PXDNL: variants seen among roughly 807,000 people sequenced by gnomAD.
PXDNL encodes the protein peroxidasin like.
A neutral mutation model predicts 150.8 loss-of-function variants in PXDNL; 145 were observed. That is an observed-to-expected ratio of 0.96 (90% CI 0.84 to 1.10). The LOEUF is 1.10. Among genes scored for constraint, PXDNL ranks in the 50% least tolerant of loss-of-function variants. The pLI is 0.00. For synonymous variants in PXDNL, 757 were observed against 725.7 expected (o/e 1.04, Z -0.69); for missense variants, 2,087 against 1,873.9 (o/e 1.11, Z -2.10).
intron 2 of PXDNL, among the ~76,000 whole-genome samples, chr8:51,635,691 T>C (rs1215869716): frequency 6.6e-6 from 1 of 152,000 alleles, no homozygotes; most frequent in East Asian, 1.9e-4. Flanking sequence ...GAAGTACTTT[T>C]TAAGAGATTG....
At chr8:51,633,860 T>A (rs1030801309) in intron 2 of PXDNL, among the ~76,000 whole-genome samples, 1 of 152,196 alleles carries the variant, frequency 6.6e-6, no homozygotes, top group Non-Finnish European at 1.5e-5. Flanking sequence ...ATTGTTTAAG[T>A]TCCTTATACA....
chr8:51,410,361 G>A (rs1360824494), intron 16 of PXDNL, among the ~76,000 whole-genome samples: 1 of 152,140 alleles, frequency 6.6e-6, no homozygotes, highest in Non-Finnish European at 1.5e-5. Context: ...GCAATAATGG[G>A]ACCATTTGCA....
At chr8:51,495,370 A>G (rs2130258057) in intron 5 of PXDNL, among the ~76,000 whole-genome samples, 1 of 152,256 alleles carries the variant, frequency 6.6e-6, no homozygotes, top group East Asian at 1.9e-4. Context: ...AATTAAAAGA[A>G]CTAGAAAAGC....
chr8:51,634,749 G>C (rs552411933), intron 2 of PXDNL, among the ~76,000 whole-genome samples: 1 of 146,218 alleles, frequency 6.8e-6, no homozygotes, highest in South Asian at 2.2e-4. Flanking sequence ...ATTGAAAATG[G>C]GATTGCACTC....
intron 3 of PXDNL, among the ~76,000 whole-genome samples, chr8:51,576,934 T>C (rs1223372332): frequency 6.6e-6 from 1 of 151,816 alleles, no homozygotes; most frequent in Non-Finnish European, 1.5e-5. Flanking sequence ...GCACAAACTA[T>C]CAGTTCACTC....
intron 3 of PXDNL, among the ~76,000 whole-genome samples, chr8:51,585,757 T>C (rs904727215): frequency 9.2e-5 from 14 of 152,054 alleles, no homozygotes; most frequent in Non-Finnish European, 1.6e-4. Context: ...GGCCCTTCCA[T>C]CCATTCATTA....
intron 2 of PXDNL, among the ~76,000 whole-genome samples, chr8:51,649,537 C>A (rs1037119288): frequency 6.6e-6 from 1 of 152,062 alleles, no homozygotes; most frequent in South Asian, 2.1e-4. Context: ...CTCAAGGTCA[C>A]ATATTTAGTC....
chr8:51,754,104 CTA>C (rs2130981901), intron 1 of PXDNL, among the ~76,000 whole-genome samples: 1 of 152,208 alleles, frequency 6.6e-6, no homozygotes, highest in African/African-American at 2.4e-5. Context: ...ACAGTGTTTG[CTA>C]TGTGTGTATT....
chr8:51,560,585 G>A (rs959175603), intron 3 of PXDNL, among the ~76,000 whole-genome samples: 1 of 151,808 alleles, frequency 6.6e-6, no homozygotes, highest in Non-Finnish European at 1.5e-5. Context: ...AAATAGTGTT[G>A]GGAAAACTAG....
At chr8:51,564,490 A>T (rs1812775607) in intron 3 of PXDNL, among the ~76,000 whole-genome samples, 1 of 151,734 alleles carries the variant, frequency 6.6e-6, no homozygotes, top group South Asian at 2.1e-4. Flanking sequence ...AGTGCTCATT[A>T]GGGAGTTTTT....
At chr8:51,436,676 C>T (rs1809415026) in intron 12 of PXDNL, among the ~76,000 whole-genome samples, 1 of 152,098 alleles carries the variant, frequency 6.6e-6, no homozygotes, top group South Asian at 2.1e-4. Flanking sequence ...TAATACCCAA[C>T]CTATTAAAAC....
chr8:51,562,605 TAGAGGGG>T (rs1423825129), intron 3 of PXDNL, among the ~76,000 whole-genome samples: 1 of 152,008 alleles, frequency 6.6e-6, no homozygotes, highest in African/African-American at 2.4e-5. Flanking sequence ...AGGAGTGTTA[TAGAGGGG>T]AGCAATGAAA....
chr8:51,434,348 C>T (rs1265924324), intron 12 of PXDNL, among the ~76,000 whole-genome samples: 1 of 152,220 alleles, frequency 6.6e-6, no homozygotes, highest in Non-Finnish European at 1.5e-5. Flanking sequence ...GAGGTATCCC[C>T]TGACCTCTCT....
intron 1 of PXDNL, among the ~76,000 whole-genome samples, chr8:51,779,417 G>A (rs116745197): frequency 0.025 from 3,816 of 152,244 alleles, 160 homozygotes; most frequent in African/African-American, 0.086. Context: ...CCCAGATGTC[G>A]GGAACCCCTG....
chr8:51,455,887 G>A (rs1206351581), intron 9 of PXDNL, among the ~76,000 whole-genome samples: 1 of 152,152 alleles, frequency 6.6e-6, no homozygotes, highest in East Asian at 1.9e-4. Context: ...GTGAGACCTT[G>A]TCTCTACAAA....
intron 6 of PXDNL, among the ~76,000 whole-genome samples, chr8:51,480,258 G>A (rs1810570724): frequency 6.6e-6 from 1 of 152,124 alleles, no homozygotes; most frequent in Non-Finnish European, 1.5e-5. Context: ...CTAAGACAGG[G>A]TAATTTATAA....
At chr8:51,727,827 T>C (rs185572172) in intron 1 of PXDNL, among the ~76,000 whole-genome samples, 108 of 152,332 alleles carry the variant, frequency 7.1e-4, no homozygotes, top group African/African-American at 2.5e-3. Flanking sequence ...GAAAGCTCAG[T>C]GCTCACTCTA....
chr8:51,538,139 C>G (rs1332182040), intron 4 of PXDNL, among the ~76,000 whole-genome samples: 3 of 152,206 alleles, frequency 2.0e-5, no homozygotes, highest in African/African-American at 7.2e-5. Context: ...AAACTGCTCT[C>G]CAGCCCTCGT....
At position 51,630,466 on chromosome 8, in the gene PXDNL, A is replaced by G. The variant is rs555124587; in HGVS notation, c.236+24223T>C. On this transcript the variant is annotated intron_variant, in intron 2 of 22. Coordinates refer to ENST00000356297, the MANE Select transcript of PXDNL (RefSeq NM_144651.5). ...TAATTAAACTAAAGAGCTTCTACGC[A>G]GCAAAATAAAGTATCAACAGAGTAA... 1.1e-4 allele frequency among the ~76,000 whole-genome samples: 16 copies of G among 152,326 alleles called. 1 individual carries two copies. The South Asian group carries it at 3.3e-3, about 32-fold the overall frequency.
Sources: gnomAD v4.1 joint callset for allele counts (sites outside exome capture counted in the v4.1 genomes callset) on GRCh38, gnomAD v4.1.1 for gene constraint, MANE v1.5 for transcripts, NCBI Gene and HGNC (gene_info 2026-07-23, HGNC 2026-07-21) for gene names.